Variants in CGAS observed in about 807,000 individuals in gnomAD.
CGAS encodes the protein 2'3'-cGAMP synthase.
In CGAS, 31 loss-of-function variants were observed where a neutral mutation model predicts 34.0. The ratio of observed to expected loss-of-function variants is 0.91; its 90% CI spans 0.69 to 1.23. The LOEUF (loss-of-function observed/expected upper bound fraction) is 1.23. Ranked by LOEUF, CGAS falls within the 50% of genes most tolerant of loss-of-function variation. CGAS has a pLI of 0.00. For missense variants in CGAS, 597 were observed against 657.6 expected (o/e 0.91, Z 1.01); for synonymous variants, 266 against 260.0 (o/e 1.02, Z -0.22).
chr6:73,442,143 G>A lies in CGAS; in HGVS notation c.878-1698C>T, dbSNP rs138129092. On this transcript the variant is annotated intron_variant, in intron 2 of 4. Transcript: ENST00000370315. The stretch of plus-strand genomic sequence containing the variant: ...CTACCTTGGCCTCCCAAAGTGCTAG[G>A]GTTACAAGTGTGAGCCACTGTGCCT... Among the ~76,000 whole-genome samples, 1,299 of 152,150 alleles carry A rather than the reference G, an allele frequency of 8.5e-3. 25 individuals carry two copies. Among genetic ancestry groups the A allele is most frequent in the African/African-American group, 0.029 (1,196 of 41,504 alleles).
chr6:73,426,005 C>G (rs982685462), intron 4 of CGAS, among the ~76,000 whole-genome samples: 2 of 150,730 alleles, frequency 1.3e-5, no homozygotes, highest in East Asian at 3.9e-4. Flanking sequence ...AACAAAAAAG[C>G]CGGGCGCGGT....
chr6:73,425,601 A>G lies in CGAS; in HGVS notation c.1218-23T>C, dbSNP rs773101336. 3.5e-6 allele frequency: 5 copies of G among 1,410,344 alleles called. No individual in the cohort carries two copies. In the Admixed American group the frequency reaches 9.6e-5, roughly 27 times the overall value. 87.4% of individuals were successfully genotyped at this position (1,410,344 alleles called of 1,614,324 possible). A position where few individuals can be genotyped will look rare whatever the true frequency, so the allele number is the denominator to read the frequency against. ...TTCCTGTTGAATAAAAAAGGAAAAC[A>G]CTTATTTTTACTTATTTACATTCAA... On this transcript the variant is annotated intron_variant, in intron 4 of 4. Transcript: ENST00000370315.
chr6:73,442,624 AGTCTT>A (rs1458434760), intron 2 of CGAS, among the ~76,000 whole-genome samples: 43 of 130,440 alleles, frequency 3.3e-4, no homozygotes, highest in African/African-American at 1.3e-3. Flanking sequence ...TTTCTGAGAC[AGTCTT>A]GCTCTGTCGC....
At chr6:73,429,564 C>T (rs9350497) in intron 3 of CGAS, among the ~76,000 whole-genome samples, 13,914 of 152,136 alleles carry the variant, frequency 0.091, 1,029 homozygotes, top group African/African-American at 0.18. Context: ...CGGTGGCTCA[C>T]GCCTGTAATC....
At chr6:73,447,434 C>G (rs748363168) in intron 1 of CGAS, among the ~76,000 whole-genome samples, 11 of 152,048 alleles carry the variant, frequency 7.2e-5, no homozygotes, top group Non-Finnish European at 1.3e-4. Context: ...CAGGCGCGCA[C>G]CAACACGCCC....
At position 73,445,675 on chromosome 6, in the gene CGAS, T is replaced by C; in HGVS notation, c.730A>G (p.Asn244Asp). 1 of 1,612,918 alleles carries C rather than the reference T, an allele frequency of 6.2e-7. No individual in the cohort carries two copies. The stretch of plus-strand genomic sequence containing the variant: ...TTCACAAAGTAATATGCACGAGTGT[T>C]GGAATATTCTTCTAGTTGAATTCTG... The part of the protein sequence containing the change: ...VPRIQLEEYS[N>D]TRAYYFVKFK... The change falls in exon 2 of 5, where the codon AAC becomes GAC. Residue 244 changes from asparagine to aspartate, a missense_variant. This residue lies in a region of CGAS where 271 missense variants were observed against 324.1 expected (regional missense o/e 0.84). Coordinates refer to ENST00000370315, the MANE Select transcript of CGAS (RefSeq NM_138441.3).
intron 3 of CGAS, among the ~76,000 whole-genome samples, chr6:73,432,061 G>A (rs1049180996): frequency 2.0e-5 from 3 of 152,134 alleles, no homozygotes; most frequent in Non-Finnish European, 2.9e-5. Flanking sequence ...AACTCCTGGG[G>A]TCCAGCAATC....
intron 1 of CGAS, among the ~76,000 whole-genome samples, chr6:73,450,707 G>A (rs979307925): frequency 2.0e-5 from 3 of 151,868 alleles, no homozygotes; most frequent in Non-Finnish European, 4.4e-5. Context: ...GGGGACAGAC[G>A]GCCGGGCGCG....
chr6:73,426,608 C>G (rs1476414065), intron 4 of CGAS, among the ~76,000 whole-genome samples: 2 of 150,104 alleles, frequency 1.3e-5, no homozygotes, highest in Non-Finnish European at 3.0e-5. Context: ...AACCTCTGAC[C>G]CTCCCCTCAC....
chr6:73,426,670 T>C (rs1770094663), intron 4 of CGAS, among the ~76,000 whole-genome samples: 1 of 151,974 alleles, frequency 6.6e-6, no homozygotes, highest in African/African-American at 2.4e-5. Flanking sequence ...TTTTACTTTA[T>C]TGAACTGCAA....
chr6:73,438,847 A>G (rs1336778004), intron 3 of CGAS, among the ~76,000 whole-genome samples: 1 of 152,132 alleles, frequency 6.6e-6, no homozygotes, highest in Non-Finnish European at 1.5e-5. Flanking sequence ...CAATTTTTGT[A>G]TCACTTACAG....
intron 4 of CGAS, among the ~76,000 whole-genome samples, chr6:73,427,051 C>T (rs1582648300): frequency 6.6e-6 from 1 of 151,656 alleles, no homozygotes; most frequent in Non-Finnish European, 1.5e-5. Context: ...GGTTTCATAA[C>T]GTTGGCCAGG....
At chr6:73,430,896 G>A (rs2150810423) in intron 3 of CGAS, among the ~76,000 whole-genome samples, 1 of 151,886 alleles carries the variant, frequency 6.6e-6, no homozygotes, top group Non-Finnish European at 1.5e-5. Flanking sequence ...GAGATATGGG[G>A]TTCAAGAGCA....
At chr6:73,437,342 G>A (rs1770296978) in intron 3 of CGAS, among the ~76,000 whole-genome samples, 1 of 151,924 alleles carries the variant, frequency 6.6e-6, no homozygotes, top group Admixed American at 6.6e-5. Context: ...TTTATGAAAC[G>A]AATTAAATCA....
chr6:73,429,254 A>C (rs895250561), intron 3 of CGAS, among the ~76,000 whole-genome samples: 2 of 152,156 alleles, frequency 1.3e-5, no homozygotes, highest in South Asian at 4.1e-4. Flanking sequence ...GAATCAAAAG[A>C]AGTGAACAGA....
At position 73,440,457 on chromosome 6, in the gene CGAS, TATAAA is replaced by T. The variant is rs762465873; in HGVS notation, c.878-17_878-13del. On this transcript the variant is annotated splice_polypyrimidine_tract_variant and intron_variant, in intron 2 of 4. Transcript: ENST00000370315. ...GATGACATCTGTATCTGGTTGAACATATAAAAGAAAAGAAAGTATTTATTAATCCA... is the reference window on the plus strand; with the variant it reads ...GATGACATCTGTATCTGGTTGAACATAGAAAAGAAAGTATTTATTAATCCA... 14 of 1,577,776 alleles carry T rather than the reference TATAAA, an allele frequency of 8.9e-6. No individual in the cohort carries two copies. In the South Asian group the frequency reaches 1.2e-4, roughly 13 times the overall value.
chr6:73,435,756 T>A (rs1347682179), intron 3 of CGAS, among the ~76,000 whole-genome samples: 1 of 139,884 alleles, frequency 7.1e-6, no homozygotes, highest in African/African-American at 2.7e-5. Context: ...CTGGGCAACA[T>A]AGCAAGACCC....
chr6:73,429,555 G>A (rs1026201469), intron 3 of CGAS, among the ~76,000 whole-genome samples: 29 of 152,232 alleles, frequency 1.9e-4, no homozygotes, highest in South Asian at 1.7e-3. Flanking sequence ...ACCTGGGCGC[G>A]GTGGCTCACG....
chr6:73,426,261 C>A lies in CGAS; in HGVS notation c.1218-683G>T, dbSNP rs529624814. ...TCATGCCACTGCACTCCAGCCTGGG[C>A]AACAAGTGAGACTCCATCTCAAAAT... is the stretch of plus-strand genomic sequence containing the variant. On this transcript the variant is annotated intron_variant, in intron 4 of 4. Coordinates refer to ENST00000370315, the MANE Select transcript of CGAS (RefSeq NM_138441.3). Among the ~76,000 whole-genome samples the A allele has an allele frequency of 2.0e-5, 3 of 150,322 alleles. No individual in the cohort carries two copies. The South Asian group carries it at 6.3e-4, about 32-fold the overall frequency.
Sources: gnomAD v4.1 joint callset for allele counts (sites outside exome capture counted in the v4.1 genomes callset) on GRCh38, gnomAD v4.1.1 for gene constraint, gnomAD v4.1.1 regional missense constraint, MANE v1.5 for transcripts, NCBI Gene and HGNC (gene_info 2026-07-23, HGNC 2026-07-21) for gene names.